Variants in CEP250 observed in about 807,000 individuals in gnomAD.
CEP250 encodes centrosome-associated protein CEP250.
In CEP250, 242 loss-of-function variants were observed where a neutral mutation model predicts 315.7. That is an observed-to-expected ratio of 0.77 (90% CI 0.69 to 0.85). CEP250 has a LOEUF of 0.85. CEP250 is among the 40% of genes least tolerant of loss of function. CEP250 has a pLI of 0.00. For synonymous variants in CEP250, 1,088 were observed against 1,175.0 expected (o/e 0.93, Z 1.51); for missense variants, 2,515 against 2,886.4 (o/e 0.87, Z 2.95).
chr20:35,498,854 G>A, intron 27 of CEP250, 138 bp downstream of exon 27: 1 of 1,015,882 alleles, frequency 9.8e-7, no homozygotes, highest in Non-Finnish European at 1.4e-6. Context: ...TTACCACCTG[G>A]CAACCACAAA....
At chr20:35,483,375 C>T (rs1013660128) in intron 20 of CEP250, among the ~76,000 whole-genome samples, 6 of 149,888 alleles carry the variant, frequency 4.0e-5, no homozygotes, top group African/African-American at 1.2e-4. Context: ...TTTTTAGAGA[C>T]AGGGTCTTGC....
Position 35,504,044 on chromosome 20 carries a change from T to C in CEP250, c.5675T>C (p.Leu1892Pro). 1 of 1,606,354 alleles carries C rather than the reference T, an allele frequency of 6.2e-7. No homozygotes were observed. Among genetic ancestry groups the C allele is most frequent in the Non-Finnish European group, 8.5e-7 (1 of 1,175,706 alleles). The change falls in exon 30 of 35, where the codon CTA becomes CCA. Residue 1892 changes from leucine to proline, a missense_variant. Coordinates refer to ENST00000397527, the MANE Select transcript of CEP250 (RefSeq NM_007186.6). ...GCCCTGGAGGAGGTGCTGGGAGACC[T>C]AAGGGCTGAGTCTCGGGAACAGGAG... ...VQALEEVLGD[L>P]RAESREQEKA...
intron 30 of CEP250, among the ~76,000 whole-genome samples, chr20:35,505,889 T>A (rs1169217727): frequency 6.6e-6 from 1 of 152,028 alleles, no homozygotes; most frequent in Admixed American, 6.6e-5. Flanking sequence ...GGGAAGCAGA[T>A]GAAGTTTTTG....
Position 35,504,999 on chromosome 20 carries a change from G to C in CEP250, c.6630G>C (p.Arg2210Ser). 3 of 1,602,066 alleles carry C rather than the reference G, an allele frequency of 1.9e-6. No individual in the cohort carries two copies. Among genetic ancestry groups the C allele is most frequent in the Non-Finnish European group, 2.6e-6 (3 of 1,172,078 alleles). Reference sequence around the variant, plus strand: ...TGGAGCGGGACTCAGAACAGCAAAGGCTGCAGGTAAGTCACTCCATGGGGA... The same window carrying C: ...TGGAGCGGGACTCAGAACAGCAAAGCCTGCAGGTAAGTCACTCCATGGGGA... ...SVLERDSEQQRLQDELELTRR... is the reference protein window; with the variant it reads ...SVLERDSEQQSLQDELELTRR... Residue 2210 changes from arginine (R) to serine (S), a missense_variant, in exon 30 of 35, where the codon AGG (arginine) becomes AGC (serine). Coordinates refer to ENST00000397527, the MANE Select transcript of CEP250 (RefSeq NM_007186.6).
intron 1 of CEP250, among the ~76,000 whole-genome samples, chr20:35,456,133 G>T (rs958815608): frequency 6.6e-6 from 1 of 152,210 alleles, no homozygotes; most frequent in African/African-American, 2.4e-5. Context: ...GACCTCAGGT[G>T]ATCCGCCCGC....
In CEP250 at chr20:35,507,857, C is replaced by T; in HGVS notation, c.6750+6C>T. The stretch of plus-strand genomic sequence containing the variant: ...AGGGTGTGCAGCTGGGAGAGGTGAG[C>T]TGGGGGCTCTGGGGGAACAGGTGAC... On this transcript the variant is annotated splice_donor_region_variant and intron_variant, in intron 31 of 34. Transcript: ENST00000397527. 1 of 1,607,494 alleles carries T rather than the reference C, an allele frequency of 6.2e-7. No homozygotes were observed.
At chr20:35,477,815 C>T in intron 16 of CEP250, 56 bp from the exon 17 acceptor site, 1 of 1,389,374 alleles carries the variant, frequency 7.2e-7, no homozygotes, top group Non-Finnish European at 1.0e-6. Context: ...GCATTTGATT[C>T]CTAAACTAAC....
rs1568820302 is a variant in CEP250 at position 35,497,749 on chromosome 20, A to T, written c.3337A>T (p.Lys1113Ter). Residue 1113 changes from lysine to a stop codon, truncating the protein, a stop_gained, in exon 26 of 35, where the codon AAG becomes TAG. Transcript: ENST00000397527. LOFTEE classifies it high-confidence loss of function. ...MELLRQEVKEKEADFLAQEAQ... is the reference protein window; with the variant it reads ...MELLRQEVKE The stretch of plus-strand genomic sequence containing the variant: ...ATTACTAAGGCAAGAGGTGAAGGAA[A>T]AGGAGGCTGACTTTCTGGCCCAGGA... 2 of 1,558,234 alleles carry T rather than the reference A, an allele frequency of 1.3e-6. No homozygotes were observed. Among genetic ancestry groups the T allele is most frequent in the Non-Finnish European group, 1.7e-6 (2 of 1,150,170 alleles).
rs912652170 is a variant in CEP250 at position 35,469,929 on chromosome 20, G to A, written c.891G>A (p.Lys297=). ...CTGCTCTGTTGACCCAGTCTCAGAA[G>A]CAAAATGAAGATTATGAAAAGATGA... ...ELSALLTQSQ[K]QNEDYEKMIK... Residue 297 remains lysine (K), a synonymous_variant, in exon 10 of 35, where the codon AAG becomes AAA. Transcript: ENST00000397527. 6.2e-7 allele frequency: 1 copy of A among 1,613,834 alleles called. No homozygotes were observed. The highest frequency in any genetic ancestry group is 1.3e-5 in the African/African-American group (1 of 74,894).
intron 1 of CEP250, among the ~76,000 whole-genome samples, chr20:35,458,063 C>A (rs934041720): frequency 6.6e-6 from 1 of 152,124 alleles, no homozygotes; most frequent in Non-Finnish European, 1.5e-5. Context: ...ACTGTAGTTT[C>A]TTTCTCAGTA....
rs765420514 is a variant in CEP250, at chr20:35,500,183, G to A, written c.3898+14G>A. On this transcript the variant is annotated intron_variant, in intron 28 of 34. Coordinates refer to ENST00000397527, the MANE Select transcript of CEP250 (RefSeq NM_007186.6). ...AGAATCAGGAAGGTGAGAAGCTCAAGACAGGCAGGGAGATTGAGAGGGAGA... is the reference window on the plus strand; with the variant it reads ...AGAATCAGGAAGGTGAGAAGCTCAAAACAGGCAGGGAGATTGAGAGGGAGA... 2 of 1,613,066 alleles carry A rather than the reference G, an allele frequency of 1.2e-6. No individual in the cohort carries two copies. The highest frequency in any genetic ancestry group is 8.5e-7 in the Non-Finnish European group (1 of 1,179,952).
intron 30 of CEP250, among the ~76,000 whole-genome samples, chr20:35,506,298 C>T (rs892182524): frequency 6.6e-6 from 1 of 152,146 alleles, no homozygotes; most frequent in African/African-American, 2.4e-5. Context: ...ACTTTGGAGT[C>T]ATCAGCAGTT....
At position 35,480,073 on chromosome 20, in the gene CEP250, A is replaced by G. The variant is rs1270616260; in HGVS notation, c.2514A>G (p.Gln838=). 1.2e-6 allele frequency: 2 copies of G among 1,613,062 alleles called. No individual in the cohort carries two copies. The highest frequency in any genetic ancestry group is 2.7e-5 in the African/African-American group (2 of 75,024). Residue 838 remains glutamine (Q), a synonymous_variant, in exon 20 of 35, where the codon CAA becomes CAG. Coordinates refer to ENST00000397527, the MANE Select transcript of CEP250 (RefSeq NM_007186.6). ...AAARQLAQAE[Q]EGKTALEQQK... is the part of the protein sequence containing the mutation. ...CCAGACAGCTGGCCCAGGCTGAGCA[A>G]GAAGGGAAGACTGCCTTGGAGCAGC...
chr20:35,466,909 T>A (rs112836240), intron 7 of CEP250, 57 bp from the exon 8 acceptor site: 1 of 1,095,234 alleles, frequency 9.1e-7, no homozygotes, highest in African/African-American at 1.5e-5. Context: ...AAGACTCTTG[T>A]GTTGGCAAAA....
chr20:35,472,770 A>T lies in CEP250; in HGVS notation c.1148A>T (p.Asp383Val). 6.2e-7 allele frequency: 1 copy of T among 1,614,042 alleles called. No individual in the cohort carries two copies. The highest frequency in any genetic ancestry group is 2.2e-5 in the East Asian group (1 of 44,890). Residue 383 changes from aspartate (D) to valine (V), a missense_variant, in exon 12 of 35, where the codon GAT becomes GTT. By Grantham distance (152) the Asp-to-Val change is radical. Transcript: ENST00000397527. The part of the protein sequence containing the change: ...SSIFSQFDYQ[D>V]ADKALTLVRS... Reference sequence around the variant, plus strand: ...ATCTTCTCCCAGTTTGATTACCAGGATGCAGACAAGGCTCTTACTCTGGTG... The same window carrying T: ...ATCTTCTCCCAGTTTGATTACCAGGTTGCAGACAAGGCTCTTACTCTGGTG...
At position 35,511,500 on chromosome 20, in the gene CEP250, C is replaced by T. The variant is rs2064359337; in HGVS notation, c.7203C>T (p.Ala2401=). 2 of 1,614,062 alleles carry T rather than the reference C, an allele frequency of 1.2e-6. No homozygotes were observed. The highest frequency in any genetic ancestry group is 1.7e-6 in the Non-Finnish European group (2 of 1,180,040). ...ACTCACTTCTTGCCGTGGCCCAGGC[C>T]CCTGAGGCCACTGTCCTGGAGGCAG... is the stretch of plus-strand genomic sequence containing the variant. ...LSHSLLAVAQ[A]PEATVLEAET... The change falls in exon 35 of 35, where the codon GCC becomes GCT. Residue 2401 remains alanine (A), a synonymous_variant. Transcript: ENST00000397527.
At position 35,515,983 on chromosome 20, in the gene CEP250, A is replaced by G. The variant is rs2064432156; in HGVS notation, c.*4357A>G. On this transcript the variant is annotated 3_prime_UTR_variant, in exon 35 of 35. Transcript: ENST00000397527. ...CAGTTGATCTCACCCAACTCATTAC[A>G]TCAGTAGCCTGGTCACAGGGTGGAC... 2 of 152,292 alleles carry G rather than the reference A, an allele frequency of 1.3e-5. No homozygotes were observed. The highest frequency in any genetic ancestry group is 2.9e-5 in the Non-Finnish European group (2 of 68,102). The allele number at this position is 152,292 out of a possible 1,614,324, so 9.4% of individuals were successfully genotyped here. A position where few individuals can be genotyped will look rare whatever the true frequency, so the allele number is the denominator to read the frequency against.
Position 35,502,314 on chromosome 20 carries a change from G to A in CEP250, c.4021-76G>A, listed in dbSNP as rs2064029712. On this transcript the variant is annotated intron_variant, in intron 29 of 34. Transcript: ENST00000397527. Reference sequence around the variant, plus strand: ...TATCACTGCTAGTGCCACAAAATAAGAAAGAGAAGGGTCGGTGTTGGGGTG... The same window carrying A: ...TATCACTGCTAGTGCCACAAAATAAAAAAGAGAAGGGTCGGTGTTGGGGTG... 3.4e-5 allele frequency: 44 copies of A among 1,298,236 alleles called. No individual in the cohort carries two copies. In the South Asian group the frequency reaches 6.3e-4, roughly 19 times the overall value. 80.4% of individuals were successfully genotyped at this position (1,298,236 alleles called of 1,614,324 possible).
intron 16 of CEP250, 121 bp from the exon 17 acceptor site, chr20:35,477,750 C>T: frequency 1.3e-6 from 1 of 794,208 alleles, no homozygotes. Context: ...CTTATAAACA[C>T]TCCTTTGTTC....
Sources: gnomAD v4.1 joint callset for allele counts (sites outside exome capture counted in the v4.1 genomes callset) on GRCh38, gnomAD v4.1.1 for gene constraint, MANE v1.5 for transcripts, NCBI Gene and HGNC (gene_info 2026-07-23, HGNC 2026-07-21) for gene names.